Variants in HOMEZ observed in about 807,000 individuals in gnomAD.
HOMEZ encodes homeobox and leucine zipper encoding.
HOMEZ carries 20 observed loss-of-function variants against 50.1 expected under a neutral mutation model. The observed-to-expected ratio is 0.40, with a 90% CI of 0.28 to 0.58. The LOEUF (loss-of-function observed/expected upper bound fraction) is 0.58, where lower values mean the gene tolerates loss of function less well. Ranked by LOEUF, HOMEZ falls within the 20% of genes least tolerant of loss-of-function variation. The probability of loss-of-function intolerance (pLI) is 0.46; values close to 1 mark genes in which losing one functional copy is unlikely to be tolerated. For synonymous variants in HOMEZ, 239 were observed against 254.7 expected (o/e 0.94, Z 0.59); for missense variants, 579 against 680.5 (o/e 0.85, Z 1.66).
At chr14:23,277,300 ATGT>A (rs537700390) in intron 1 of HOMEZ, 113 bp from the exon 2 acceptor site, 334 of 1,009,220 alleles carry the variant, frequency 3.3e-4, no homozygotes, top group Non-Finnish European at 4.5e-4. Flanking sequence ...TATTTGTATC[ATGT>A]TGTATTGCTT....
rs1886275417 is a variant in HOMEZ at position 23,273,894 on chromosome 14, C to T, written c.*1681G>A. On this transcript the variant is annotated 3_prime_UTR_variant, in exon 2 of 2. Coordinates refer to ENST00000357460, the MANE Select transcript of HOMEZ (RefSeq NM_020834.3). ...GAAACAACCTGGCTGGCGATAGATG[C>T]TGAACTACTTCCTTTTTACAGTTTT... 1 of 152,642 alleles carries T rather than the reference C, an allele frequency of 6.6e-6. No homozygotes were observed. The highest frequency in any genetic ancestry group is 1.5e-5 in the Non-Finnish European group (1 of 68,044). 9.5% of individuals were successfully genotyped at this position (152,642 alleles called of 1,614,324 possible).
intron 1 of HOMEZ, among the ~76,000 whole-genome samples, chr14:23,280,726 TTTTATTTTATTTTA>T (rs1886509261): frequency 2.9e-5 from 2 of 68,684 alleles, no homozygotes; most frequent in African/African-American, 1.2e-4. Context: ...TTTTATTTTA[TTTTATTTTATTTTA>T]TTATTTTATT....
At chr14:23,283,537 A>AT (rs768352183) in intron 1 of HOMEZ, among the ~76,000 whole-genome samples, 13 of 152,290 alleles carry the variant, frequency 8.5e-5, no homozygotes, top group Admixed American at 1.3e-4. Flanking sequence ...CAGTCCTAGG[A>AT]AAAAGAGGAC....
chr14:23,273,586 A>C lies in HOMEZ; in HGVS notation c.*1989T>G, dbSNP rs1386550769. The C allele has an allele frequency of 6.6e-6, 1 of 152,224 alleles. No homozygotes were observed. The highest frequency in any genetic ancestry group is 6.5e-5 in the Admixed American group (1 of 15,288). The allele number at this position is 152,224 out of a possible 1,614,324, so 9.4% of individuals were successfully genotyped here. ...TTTAAAAGGCAGAAATGACGAATTA[A>C]ATAGGTTAGCCACTCACAAGCTGGC... On this transcript the variant is annotated 3_prime_UTR_variant, in exon 2 of 2. Coordinates refer to ENST00000357460, the MANE Select transcript of HOMEZ (RefSeq NM_020834.3).
intron 1 of HOMEZ, 67 bp downstream of exon 1, chr14:23,285,844 TGG>T (rs1886649967): frequency 2.2e-6 from 2 of 890,368 alleles, no homozygotes; most frequent in Admixed American, 4.3e-5. Context: ...AGCGCGGGGA[TGG>T]GGCTCCAGAG....
Position 23,277,125 on chromosome 14 carries a change from T to C in HOMEZ, c.103A>G (p.Ser35Gly). The change falls in exon 2 of 2, where the codon AGT (serine) becomes GGT (glycine). Residue 35 changes from serine (S) to glycine (G), a missense_variant. Transcript: ENST00000357460. Reference sequence around the variant, plus strand: ...CAGATGAGCCCCGCTGGTGAACTACTGAGACCGCTGGCCTCTTTATTAGGA... The same window carrying C: ...CAGATGAGCCCCGCTGGTGAACTACCGAGACCGCTGGCCTCTTTATTAGGA... The part of the protein sequence containing the change: ...MPPNKEASGL[S>G]SSPAGLICLP... 4 of 1,613,358 alleles carry C rather than the reference T, an allele frequency of 2.5e-6. No homozygotes were observed. Among genetic ancestry groups the C allele is most frequent in the Non-Finnish European group, 3.4e-6 (4 of 1,179,530 alleles).
Position 23,276,080 on chromosome 14 carries a change from C to T in HOMEZ, c.1148G>A (p.Arg383His), listed in dbSNP as rs371112513. ...SFFLQCQWAR[R>H]EDYQKLEQIT... ...CTGTTCTAACTTTTGGTAATCCTCACGCCGTGCCCACTGGCACTGTAAAAA... is the reference window on the plus strand; with the variant it reads ...CTGTTCTAACTTTTGGTAATCCTCATGCCGTGCCCACTGGCACTGTAAAAA... Residue 383 changes from arginine (R) to histidine (H), a missense_variant, in exon 2 of 2, where the codon CGT (arginine) becomes CAT (histidine). By Grantham distance (29) the Arg-to-His change is conservative. Coordinates refer to ENST00000357460, the MANE Select transcript of HOMEZ (RefSeq NM_020834.3). This position sits in a 1 kb window ranked among gnomAD's most constrained non-coding sequence, Gnocchi z 4.1. 105 of 1,614,016 alleles carry T rather than the reference C, an allele frequency of 6.5e-5. No individual in the cohort carries two copies. The highest frequency in any genetic ancestry group is 1.8e-4 in the Admixed American group (11 of 60,030).
At position 23,274,742 on chromosome 14, in the gene HOMEZ, T is replaced by TA. The variant is rs1270124331; in HGVS notation, c.*832dup. The stretch of plus-strand genomic sequence containing the variant: ...CTAACATGATGAAACCCGTCTCTAC[T>TA]AAAAATATAAAAAAGTAGCCGGGTG... On this transcript the variant is annotated 3_prime_UTR_variant, in exon 2 of 2. Coordinates refer to ENST00000357460, the MANE Select transcript of HOMEZ (RefSeq NM_020834.3). 6.6e-6 allele frequency: 1 copy of TA among 152,092 alleles called. No homozygotes were observed. The highest frequency in any genetic ancestry group is 2.1e-4 in the South Asian group (1 of 4,830). 9.4% of individuals were successfully genotyped at this position (152,092 alleles called of 1,614,324 possible). A position where few individuals can be genotyped will look rare whatever the true frequency, so the allele number is the denominator to read the frequency against.
Position 23,286,057 on chromosome 14 carries a change from G to A in HOMEZ, c.-105C>T. 1 of 1,231,498 alleles carries A rather than the reference G, an allele frequency of 8.1e-7. No homozygotes were observed. Among genetic ancestry groups the A allele is most frequent in the Non-Finnish European group, 1.0e-6 (1 of 987,468 alleles). 76.3% of individuals were successfully genotyped at this position (1,231,498 alleles called of 1,614,324 possible). A position where few individuals can be genotyped will look rare whatever the true frequency, so the allele number is the denominator to read the frequency against. On this transcript the variant is annotated 5_prime_UTR_variant, in exon 1 of 2. Transcript: ENST00000357460. Reference sequence around the variant, plus strand: ...CCACCCCAGCGATGGCCGAAACCGGGACTGCCCCCCCCACCGTCCCCGGGA... The same window carrying A: ...CCACCCCAGCGATGGCCGAAACCGGAACTGCCCCCCCCACCGTCCCCGGGA...
intron 1 of HOMEZ, among the ~76,000 whole-genome samples, chr14:23,277,815 A>C (rs1250508739): frequency 1.3e-5 from 2 of 149,258 alleles, no homozygotes; most frequent in Admixed American, 6.7e-5. Context: ...TTTAGTGTGT[A>C]TGTGTGTGTC....
rs1566451219 is a variant in HOMEZ at position 23,280,745 on chromosome 14, T to TTTATTTTA, written c.41-3566_41-3559dup. Among the ~76,000 whole-genome samples, 357 of 78,540 alleles carry TTTATTTTA rather than the reference T, an allele frequency of 4.5e-3. 5 individuals carry two copies. Among genetic ancestry groups the TTTATTTTA allele is most frequent in the Middle Eastern group, 0.012 (2 of 162 alleles). The allele number at this position is 78,540 out of a possible 152,430, so 51.5% of individuals were successfully genotyped here. ...ATTTTATTTTATTTTATTTTATTAT[T>TTTATTTTA]TTATTTTATTTTATTTTATTTTATT... On this transcript the variant is annotated intron_variant, in intron 1 of 1. Coordinates refer to ENST00000357460, the MANE Select transcript of HOMEZ (RefSeq NM_020834.3).
rs1191594034 is a variant in HOMEZ, at chr14:23,279,885, T to G, written c.41-2698A>C. 5.3e-5 allele frequency among the ~76,000 whole-genome samples: 8 copies of G among 152,334 alleles called. No homozygotes were observed. The East Asian group carries it at 1.5e-3, about 29-fold the overall frequency. On this transcript the variant is annotated intron_variant, in intron 1 of 1. Coordinates refer to ENST00000357460, the MANE Select transcript of HOMEZ (RefSeq NM_020834.3). ...ACAGCCTCGAATTCCTGGGATCAAGTGACCCTCCTGCCTCAACCTCCTGAG... is the reference window on the plus strand; with the variant it reads ...ACAGCCTCGAATTCCTGGGATCAAGGGACCCTCCTGCCTCAACCTCCTGAG...
At position 23,274,576 on chromosome 14, in the gene HOMEZ, AG is replaced by A. The variant is rs1886291124; in HGVS notation, c.*998del. On this transcript the variant is annotated 3_prime_UTR_variant, in exon 2 of 2. Coordinates refer to ENST00000357460, the MANE Select transcript of HOMEZ (RefSeq NM_020834.3). ...AATGAACAGAGTGAGGATTTTGGAA[AG>A]ATAGAAAAAGCTACAAGGCAAAGTG... is the stretch of plus-strand genomic sequence containing the variant. 2 of 152,658 alleles carry A rather than the reference AG, an allele frequency of 1.3e-5. No individual in the cohort carries two copies. The highest frequency in any genetic ancestry group is 1.3e-4 in the Admixed American group (2 of 15,282). The allele number at this position is 152,658 out of a possible 1,614,324, so 9.5% of individuals were successfully genotyped here.
rs745703035 is a variant in HOMEZ, at chr14:23,276,956, C to T, written c.272G>A (p.Arg91His). The T allele has an allele frequency of 9.3e-6, 15 of 1,614,042 alleles. No homozygotes were observed. The highest frequency in any genetic ancestry group is 2.2e-5 in the East Asian group (1 of 44,886). ...SLADIALLCLRYGLQMEKVKT... is the reference protein window; with the variant it reads ...SLADIALLCLHYGLQMEKVKT... ...GACTTTCTCCATCTGCAACCCATAACGTAGGCAGAGAAGGGCAATGTCTGC... is the reference window on the plus strand; with the variant it reads ...GACTTTCTCCATCTGCAACCCATAATGTAGGCAGAGAAGGGCAATGTCTGC... The change falls in exon 2 of 2, where the codon CGT becomes CAT. Residue 91 changes from arginine (R) to histidine (H), a missense_variant. Coordinates refer to ENST00000357460, the MANE Select transcript of HOMEZ (RefSeq NM_020834.3). The surrounding 1 kb of genome is among the most constrained non-coding windows in gnomAD (Gnocchi z 4.1).
In HOMEZ at chr14:23,280,740, A is replaced by ATTTTATTTTAATT. The variant is rs35341745; in HGVS notation, c.41-3554_41-3553insAATTAAAATAAAA. Among the ~76,000 whole-genome samples, 27 of 41,268 alleles carry ATTTTATTTTAATT rather than the reference A, an allele frequency of 6.5e-4. 1 individual carries two copies. Among genetic ancestry groups the ATTTTATTTTAATT allele is most frequent in the Admixed American group, 2.5e-3 (7 of 2,778 alleles). The allele number at this position is 41,268 out of a possible 152,430, so 27.1% of individuals were successfully genotyped here. A position where few individuals can be genotyped will look rare whatever the true frequency, so the allele number is the denominator to read the frequency against. ...ATTTTATTTTATTTTATTTTATTTT[A>ATTTTATTTTAATT]TTATTTTATTTTATTTTATTTTATT... is the stretch of plus-strand genomic sequence containing the variant. On this transcript the variant is annotated intron_variant, in intron 1 of 1. Transcript: ENST00000357460.
At chr14:23,277,349 T>C (rs534659765) in intron 1 of HOMEZ, among the ~76,000 whole-genome samples, 162 bp from the exon 2 acceptor site, 1 of 152,368 alleles carries the variant, frequency 6.6e-6, no homozygotes, top group East Asian at 1.9e-4. Context: ...TTAATTTTCA[T>C]AAACTTAAGT....
rs1032555104 is a variant in HOMEZ, at chr14:23,275,238, C to T, written c.*337G>A. On this transcript the variant is annotated 3_prime_UTR_variant, in exon 2 of 2. Coordinates refer to ENST00000357460, the MANE Select transcript of HOMEZ (RefSeq NM_020834.3). ...AATCCTCCTGGAGAGGTGGTGCCAACATCTGGCCTCTGTATAGTACACCAA... is the reference window on the plus strand; with the variant it reads ...AATCCTCCTGGAGAGGTGGTGCCAATATCTGGCCTCTGTATAGTACACCAA... The T allele has an allele frequency of 1.6e-5, 4 of 249,920 alleles. No individual in the cohort carries two copies. Among genetic ancestry groups the T allele is most frequent in the Non-Finnish European group, 3.0e-5 (4 of 132,206 alleles). 15.5% of individuals were successfully genotyped at this position (249,920 alleles called of 1,614,324 possible).
intron 1 of HOMEZ, chr14:23,285,209 T>C (rs1886631835): frequency 6.6e-6 from 1 of 151,110 alleles, no homozygotes; most frequent in Admixed American, 6.6e-5. Context: ...AATCATGTAA[T>C]ATAAAAGGGC....
intron 1 of HOMEZ, chr14:23,285,644 G>C (rs1886642454): frequency 5.3e-6 from 2 of 377,696 alleles, no homozygotes; most frequent in East Asian, 7.6e-5. Flanking sequence ...ATTGCACTTG[G>C]GACGATAAGC....
Sources: gnomAD v4.1 joint callset for allele counts (sites outside exome capture counted in the v4.1 genomes callset) on GRCh38, gnomAD v4.1.1 for gene constraint, Gnocchi (gnomAD v3.1) non-coding constraint, MANE v1.5 for transcripts, NCBI Gene and HGNC (gene_info 2026-07-23, HGNC 2026-07-21) for gene names.